Variants in TULP4 observed in about 807,000 individuals in gnomAD.
The protein encoded by TULP4 is TUB like protein 4, also known as tubby-related protein 4.
TULP4 carries 16 observed loss-of-function variants against 129.0 expected under a neutral mutation model. That is an observed-to-expected ratio of 0.12 (90% CI 0.08 to 0.19). TULP4 has a LOEUF of 0.19. TULP4 is among the 10% of genes least tolerant of loss of function. The probability of loss-of-function intolerance (pLI) is 1.00; values close to 1 mark genes in which losing one functional copy is unlikely to be tolerated. For synonymous variants in TULP4, 998 were observed against 854.0 expected (o/e 1.17, Z -2.94); for missense variants, 1,842 against 2,059.1 (o/e 0.89, Z 2.04).
intron 8 of TULP4, among the ~76,000 whole-genome samples, chr6:158,484,436 A>G (rs370800437): frequency 1.3e-5 from 2 of 151,920 alleles, no homozygotes; most frequent in Admixed American, 6.6e-5. Context: ...CAGACATGCT[A>G]TTGCACCTGG....
intron 1 of TULP4, chr6:158,237,403 G>A: frequency 6.2e-7 from 1 of 1,610,490 alleles, no homozygotes. Flanking sequence ...TGGAGCCCCT[G>A]CAGGTCTCTG....
chr6:158,320,851 ATCT>A (rs1310134959), intron 1 of TULP4, among the ~76,000 whole-genome samples: 1 of 152,162 alleles, frequency 6.6e-6, no homozygotes, highest in Non-Finnish European at 1.5e-5. Flanking sequence ...GATTGGGTAC[ATCT>A]TCTCCGATAT....
chr6:158,314,009 A>AAG lies in TULP4; in HGVS notation c.-6_-5dup, dbSNP rs1352860199. Reference sequence around the variant, plus strand: ...ACTTTTTAAGTAAAACAGTTCATTGAAGAAAGTATGTATGCAGCAGTGGAA... The same window carrying AAG: ...ACTTTTTAAGTAAAACAGTTCATTGAAGAGAAAGTATGTATGCAGCAGTGGAA... On this transcript the variant is annotated 5_prime_UTR_variant, in exon 1 of 14. Transcript: ENST00000367097. 1.2e-6 allele frequency: 2 copies of AAG among 1,610,218 alleles called. No individual in the cohort carries two copies. Among genetic ancestry groups the AAG allele is most frequent in the Admixed American group, 3.3e-5 (2 of 59,852 alleles).
At chr6:158,288,589 C>G (rs1005446927) in intron 1 of TULP4, among the ~76,000 whole-genome samples, 4 of 152,052 alleles carry the variant, frequency 2.6e-5, no homozygotes. Flanking sequence ...CAAGCTCCGC[C>G]TCCCGGGTTC....
rs574073400 is a variant in TULP4, at chr6:158,503,233, A to C, written c.3570A>C (p.Pro1190=). 2.5e-6 allele frequency: 4 copies of C among 1,613,978 alleles called. No homozygotes were observed. Among genetic ancestry groups the C allele is most frequent in the African/African-American group, 2.7e-5 (2 of 74,940 alleles). The part of the protein sequence containing the change: ...TFQTGYGMGV[P]YPGSYNNPPL... Reference sequence around the variant, plus strand: ...AAACAGGCTATGGGATGGGAGTGCCATATCCAGGAAGCTATAACAACCCCC... The same window carrying C: ...AAACAGGCTATGGGATGGGAGTGCCCTATCCAGGAAGCTATAACAACCCCC... The change falls in exon 13 of 14, where the codon CCA becomes CCC. Residue 1190 remains proline (P), a synonymous_variant. Coordinates refer to ENST00000367097, the MANE Select transcript of TULP4 (RefSeq NM_020245.5). The surrounding 1 kb of genome is among the most constrained non-coding windows in gnomAD (Gnocchi z 4.3).
chr6:158,349,107 G>A (rs1167993306), intron 1 of TULP4, among the ~76,000 whole-genome samples: 8 of 139,358 alleles, frequency 5.7e-5, no homozygotes, highest in South Asian at 4.7e-4. Context: ...GGGCAGCCGG[G>A]CAGAGGCGCT....
At chr6:158,346,531 C>A (rs1780317075) in intron 1 of TULP4, among the ~76,000 whole-genome samples, 2 of 152,194 alleles carry the variant, frequency 1.3e-5, no homozygotes, top group African/African-American at 4.8e-5. Flanking sequence ...TTATAGTGAT[C>A]TAGAACCAAA....
chr6:158,484,316 T>C (rs1220217461), intron 8 of TULP4, among the ~76,000 whole-genome samples: 1 of 151,082 alleles, frequency 6.6e-6, no homozygotes, highest in Non-Finnish European at 1.5e-5. Context: ...ATGATCATAG[T>C]GCACTTTTTT....
chr6:158,256,401 G>C (rs1778244804), intron 1 of TULP4, among the ~76,000 whole-genome samples: 1 of 152,112 alleles, frequency 6.6e-6, no homozygotes, highest in African/African-American at 2.4e-5. Flanking sequence ...CAGCTTTCAT[G>C]TTTTCTACTT....
At chr6:158,370,257 G>C (rs1468539336) in intron 1 of TULP4, among the ~76,000 whole-genome samples, 1 of 151,682 alleles carries the variant, frequency 6.6e-6, no homozygotes, top group African/African-American at 2.4e-5. Context: ...AGGAGTTCGA[G>C]ACCAGCCTGG....
rs528875584 is a variant in TULP4 at position 158,346,063 on chromosome 6, C to T, written c.252+31795C>T. 4.7e-4 allele frequency among the ~76,000 whole-genome samples: 72 copies of T among 152,234 alleles called. 1 individual carries two copies. In the South Asian group the frequency reaches 7.3e-3, roughly 15 times the overall value. On this transcript the variant is annotated intron_variant, in intron 1 of 13. Transcript: ENST00000367097. ...GAAGAAAAATATGGCTCCTTTTGCC[C>T]GACCCCACAGGCAGTCAGATCTTAT...
At chr6:158,351,212 AAACTAGAGT>A (rs1340123004) in intron 1 of TULP4, among the ~76,000 whole-genome samples, 16 of 152,202 alleles carry the variant, frequency 1.1e-4, no homozygotes, top group Non-Finnish European at 2.4e-4. Flanking sequence ...CCTTGATGAA[AAACTAGAGT>A]GATGTTAGGT....
intron 1 of TULP4, among the ~76,000 whole-genome samples, chr6:158,339,570 A>G (rs536988754): frequency 6.6e-6 from 1 of 152,242 alleles, no homozygotes; most frequent in South Asian, 2.1e-4. Flanking sequence ...TAGAGGCCCC[A>G]CCCTGGGAAT....
chr6:158,266,674 A>G (rs1012271779), intron 1 of TULP4, among the ~76,000 whole-genome samples: 4 of 152,232 alleles, frequency 2.6e-5, no homozygotes, highest in African/African-American at 9.6e-5. Context: ...TAGTAGAACA[A>G]TAGCATTTAC....
At position 158,498,598 on chromosome 6, in the gene TULP4, G is replaced by T. The variant is rs1780380309; in HGVS notation, c.1871-71G>T. ...GAAACTGCAGTGCGCTCTTCTTCCT[G>T]TGACTCTCTTGACACTTTGGCTCTG... On this transcript the variant is annotated intron_variant, in intron 11 of 13. Transcript: ENST00000367097. The T allele has an allele frequency of 5.0e-6, 8 of 1,590,532 alleles. No individual in the cohort carries two copies. In the South Asian group the frequency reaches 8.9e-5, roughly 18 times the overall value.
chr6:158,384,244 A>C (rs1355886489), intron 1 of TULP4, among the ~76,000 whole-genome samples: 2 of 151,520 alleles, frequency 1.3e-5, no homozygotes, highest in Non-Finnish European at 2.9e-5. Context: ...AAGGTAATTT[A>C]ATTTAGAAAA....
intron 1 of TULP4, among the ~76,000 whole-genome samples, chr6:158,304,387 T>C (rs900449674): frequency 6.6e-5 from 10 of 152,206 alleles, no homozygotes; most frequent in African/African-American, 1.2e-4. Flanking sequence ...TGTACTGATA[T>C]ACAGGAATGT....
In TULP4 at chr6:158,511,166, G is replaced by C. The variant is rs1209130890; in HGVS notation, c.*4472G>C. ...CTTGTACCTATATTTTCTGTTTACA[G>C]TTCTTTTTAAGGGGAGGGGTAGGGT... is the stretch of plus-strand genomic sequence containing the variant. On this transcript the variant is annotated 3_prime_UTR_variant, in exon 14 of 14. Transcript: ENST00000367097. The C allele has an allele frequency of 6.6e-6, 1 of 152,514 alleles. No homozygotes were observed. Among genetic ancestry groups the C allele is most frequent in the Non-Finnish European group, 1.5e-5 (1 of 68,026 alleles). 9.4% of individuals were successfully genotyped at this position (152,514 alleles called of 1,614,324 possible). A position where few individuals can be genotyped will look rare whatever the true frequency, so the allele number is the denominator to read the frequency against.
At chr6:158,446,082 C>T (rs528168210) in intron 3 of TULP4, among the ~76,000 whole-genome samples, 80 of 152,284 alleles carry the variant, frequency 5.3e-4, no homozygotes, top group African/African-American at 1.8e-3. Flanking sequence ...TATGTGTATT[C>T]GTTATTATTA....
Sources: allele counts gnomAD v4.1 joint callset (sites outside exome capture counted in the v4.1 genomes callset), GRCh38; gene constraint gnomAD v4.1.1; non-coding constraint Gnocchi (gnomAD v3.1); transcripts MANE v1.5; gene names NCBI Gene and HGNC (gene_info 2026-07-23, HGNC 2026-07-21).